Variants in IL1RAPL2 observed in about 807,000 individuals in gnomAD.
IL1RAPL2 encodes X-linked interleukin-1 receptor accessory protein-like 2.
A neutral mutation model predicts 44.1 loss-of-function variants in IL1RAPL2; 3 were observed. That is an observed-to-expected ratio of 0.07 (90% confidence interval 0.03 to 0.18). The LOEUF (loss-of-function observed/expected upper bound fraction) is 0.18, where lower values mean the gene tolerates loss of function less well. Ranked by LOEUF, IL1RAPL2 falls within the 10% of genes least tolerant of loss-of-function variation. The probability of loss-of-function intolerance (pLI) is 1.00; values close to 1 mark genes in which losing one functional copy is unlikely to be tolerated. For synonymous variants in IL1RAPL2, 181 were observed against 178.8 expected (o/e 1.01, Z -0.10); for missense variants, 391 against 496.4 (o/e 0.79, Z 2.02).
At chrX:105,435,961 A>G (rs2035879372) in intron 5 of IL1RAPL2, among the ~76,000 whole-genome samples, 1 of 111,060 alleles carries the variant, frequency 9.0e-6, no homozygotes, top group Non-Finnish European at 1.9e-5. Context: ...TACCTGGGTA[A>G]TGGGTTGATA....
chrX:104,828,569 CT>C (rs1921523976), intron 2 of IL1RAPL2, among the ~76,000 whole-genome samples: 1 of 91,127 alleles, frequency 1.1e-5, no homozygotes, highest in African/African-American at 4.1e-5. Flanking sequence ...CTGTCGACCC[CT>C]GTTGGGAAGT....
chrX:105,385,173 T>C (rs2035467135), intron 5 of IL1RAPL2, among the ~76,000 whole-genome samples: 1 of 111,706 alleles, frequency 9.0e-6, no homozygotes, highest in Non-Finnish European at 1.9e-5. Context: ...TCTGCATCCT[T>C]ATCGTATTCC....
intron 1 of IL1RAPL2, chrX:104,647,485 A>T: frequency 3.5e-6 from 2 of 567,041 alleles, no homozygotes; most frequent in Non-Finnish European, 6.2e-6. Context: ...CGAAGGTGGG[A>T]TGTGTCAAGG....
At chrX:104,743,320 A>ATTT (rs201927008) in intron 2 of IL1RAPL2, among the ~76,000 whole-genome samples, 32,203 of 99,973 alleles carry the variant, frequency 0.32, 4,872 homozygotes, top group East Asian at 0.45. Context: ...GTTTCAAACT[A>ATTT]TTTTTTTTTT....
chrX:104,754,888 A>G (rs1189766178), intron 2 of IL1RAPL2, among the ~76,000 whole-genome samples: 1 of 111,542 alleles, frequency 9.0e-6, no homozygotes. Flanking sequence ...GCTAATTGGT[A>G]ATATAACATG....
At chrX:104,811,526 T>G (rs1932979600) in intron 2 of IL1RAPL2, among the ~76,000 whole-genome samples, 1 of 111,228 alleles carries the variant, frequency 9.0e-6, no homozygotes, top group Non-Finnish European at 1.9e-5. Flanking sequence ...TCTTTTTTTT[T>G]CTGTTTTTGA....
intron 5 of IL1RAPL2, among the ~76,000 whole-genome samples, chrX:105,408,311 G>A (rs953677821): frequency 1.8e-5 from 2 of 110,924 alleles, no homozygotes; most frequent in African/African-American, 6.6e-5. Flanking sequence ...GCAGAGGAAG[G>A]GCCTGTACCT....
rs1172939085 is a variant in IL1RAPL2 at position 104,907,160 on chromosome X, A to AT, written c.82+248171dup. Among the ~76,000 whole-genome samples the AT allele has an allele frequency of 1.5e-4, 17 of 110,966 alleles. No individual in the cohort carries two copies. The East Asian group carries it at 4.0e-3, about 26-fold the overall frequency. On this transcript the variant is annotated intron_variant, in intron 2 of 10. Coordinates refer to ENST00000372582, the MANE Select transcript of IL1RAPL2 (RefSeq NM_017416.2). ...GATCAGTGGTGATATCCCCTTTATCATTTTTTATTGCATCTATTTGATTCT... is the reference window on the plus strand; with the variant it reads ...GATCAGTGGTGATATCCCCTTTATCATTTTTTTATTGCATCTATTTGATTCT...
At chrX:105,313,090 G>A (rs1314759725) in intron 5 of IL1RAPL2, among the ~76,000 whole-genome samples, 1 of 111,353 alleles carries the variant, frequency 9.0e-6, no homozygotes, top group Non-Finnish European at 1.9e-5. Flanking sequence ...TTTATGCTGT[G>A]GGCATTCCAA....
intron 2 of IL1RAPL2, among the ~76,000 whole-genome samples, chrX:104,847,979 A>G (rs953711504): frequency 9.1e-6 from 1 of 110,355 alleles, no homozygotes; most frequent in Non-Finnish European, 1.9e-5. Flanking sequence ...TTCACTCATG[A>G]TTTGGCTCTC....
rs1184127937 is a variant in IL1RAPL2 at position 105,168,744 on chromosome X, CT to C, written c.83-26719del. The stretch of plus-strand genomic sequence containing the variant: ...CAAAAGGAATTCTCTCTTACTCTGA[CT>C]TTTTTTTTTTTCTATTCAGGCCTTT... On this transcript the variant is annotated intron_variant, in intron 2 of 10. Coordinates refer to ENST00000372582, the MANE Select transcript of IL1RAPL2 (RefSeq NM_017416.2). Among the ~76,000 whole-genome samples, 396 of 104,256 alleles carry C rather than the reference CT, an allele frequency of 3.8e-3. 3 individuals carry two copies. The highest frequency in any genetic ancestry group is 0.012 in the African/African-American group (345 of 28,886). The allele number at this position is 104,256 out of a possible 115,157, so 90.5% of individuals were successfully genotyped here.
intron 5 of IL1RAPL2, among the ~76,000 whole-genome samples, chrX:105,310,102 A>T (rs192498258): frequency 1.8e-5 from 2 of 111,537 alleles, no homozygotes; most frequent in African/African-American, 6.5e-5. Flanking sequence ...GGGCCTGGAT[A>T]TACTTTTTTA....
chrX:105,372,621 T>G (rs1177357075), intron 5 of IL1RAPL2, among the ~76,000 whole-genome samples: 1 of 110,824 alleles, frequency 9.0e-6, no homozygotes, highest in Non-Finnish European at 1.9e-5. Context: ...CCTGATCCTT[T>G]CCATGCTCCC....
intron 2 of IL1RAPL2, among the ~76,000 whole-genome samples, chrX:105,040,369 T>G (rs1208081018): frequency 9.0e-6 from 1 of 111,401 alleles, no homozygotes; most frequent in Non-Finnish European, 1.9e-5. Flanking sequence ...CTGCCAGGCT[T>G]TGGTATGAGG....
At chrX:104,775,341 G>C (rs909619587) in intron 2 of IL1RAPL2, among the ~76,000 whole-genome samples, 1 of 111,551 alleles carries the variant, frequency 9.0e-6, no homozygotes, top group Non-Finnish European at 1.9e-5. Flanking sequence ...GGGGAGTTGC[G>C]TTTTGGAATT....
chrX:105,509,350 C>T (rs187401187), intron 6 of IL1RAPL2, among the ~76,000 whole-genome samples: 3 of 111,151 alleles, frequency 2.7e-5, no homozygotes, highest in East Asian at 2.9e-4. Flanking sequence ...CGAGAAAGGT[C>T]GACTTTCATT....
intron 6 of IL1RAPL2, among the ~76,000 whole-genome samples, chrX:105,716,943 AAC>A (rs1434662141): frequency 1.8e-5 from 2 of 111,749 alleles, no homozygotes; most frequent in Admixed American, 9.5e-5. Context: ...AGCAAAAATA[AAC>A]AGTTTTAAAA....
chrX:104,707,643 T>G (rs952149122), intron 2 of IL1RAPL2, among the ~76,000 whole-genome samples: 1 of 111,721 alleles, frequency 9.0e-6, no homozygotes, highest in Non-Finnish European at 1.9e-5. Context: ...ATTAACTGAT[T>G]ATAGTAGTGC....
At chrX:105,426,613 C>T (rs1054181050) in intron 5 of IL1RAPL2, among the ~76,000 whole-genome samples, 1 of 110,138 alleles carries the variant, frequency 9.1e-6, no homozygotes, top group Non-Finnish European at 1.9e-5. Context: ...TTATTGCCTG[C>T]CCCCTCCCAT....
Sources: allele counts gnomAD v4.1 joint callset (sites outside exome capture counted in the v4.1 genomes callset), GRCh38; gene constraint gnomAD v4.1.1; transcripts MANE v1.5; gene names NCBI Gene and HGNC (gene_info 2026-07-23, HGNC 2026-07-21).